GIGYF2: variants seen among roughly 807,000 people sequenced by gnomAD.
GIGYF2 encodes the protein GRB10-interacting GYF protein 2.
In GIGYF2, 25 loss-of-function variants were observed where a neutral mutation model predicts 208.1. That is an observed-to-expected ratio of 0.12 (90% CI 0.09 to 0.17). GIGYF2 has a LOEUF of 0.17. GIGYF2 is among the 10% of genes least tolerant of loss of function. The pLI, the probability that GIGYF2 is intolerant of heterozygous loss-of-function variation, is 1.00. For synonymous variants in GIGYF2, 534 were observed against 543.8 expected (o/e 0.98, Z 0.25); for missense variants, 1,302 against 1,579.4 (o/e 0.82, Z 2.98).
chr2:232,791,958 T>C (rs1311379864), intron 12 of GIGYF2, among the ~76,000 whole-genome samples: 2 of 152,236 alleles, frequency 1.3e-5, no homozygotes, highest in African/African-American at 4.8e-5. Flanking sequence ...TTAGGCAATA[T>C]TAATGCTCAT....
intron 9 of GIGYF2, 100 bp downstream of exon 9, chr2:232,787,429 TG>T (rs1699951125): frequency 2.0e-6 from 2 of 981,032 alleles, no homozygotes; most frequent in African/African-American, 3.2e-5. Context: ...TTAAAAAATG[TG>T]GGGGTGGATT....
intron 2 of GIGYF2, among the ~76,000 whole-genome samples, chr2:232,711,047 T>C (rs1696371261): frequency 1.3e-5 from 2 of 151,844 alleles, no homozygotes; most frequent in African/African-American, 4.8e-5. Flanking sequence ...CCCTTTGATA[T>C]GCTCTCTAGG....
intron 2 of GIGYF2, chr2:232,729,642 G>C: frequency 9.2e-7 from 1 of 1,087,076 alleles, no homozygotes; most frequent in Non-Finnish European, 1.4e-6. Flanking sequence ...CGTATTTGAA[G>C]TTTCTTAATT....
chr2:232,806,660 A>G lies in GIGYF2; in HGVS notation c.1806+3A>G, dbSNP rs1267162464. On this transcript the variant is annotated splice_donor_region_variant and intron_variant, in intron 15 of 28. Coordinates refer to ENST00000373563, the MANE Select transcript of GIGYF2 (RefSeq NM_001103146.3). This position sits in a 1 kb window ranked among gnomAD's most constrained non-coding sequence, Gnocchi z 4.0. ...GTCCAGCTCCCCCTCCTCATATGGTAAGTACCTTTCACCTCACCTGGAATA... is the reference window on the plus strand; with the variant it reads ...GTCCAGCTCCCCCTCCTCATATGGTGAGTACCTTTCACCTCACCTGGAATA... 1.2e-6 allele frequency: 2 copies of G among 1,603,404 alleles called. No homozygotes were observed. Among genetic ancestry groups the G allele is most frequent in the Non-Finnish European group, 1.7e-6 (2 of 1,170,346 alleles).
At position 232,844,352 on chromosome 2, in the gene GIGYF2, CTCTTTT is replaced by C. The variant is rs780304666; in HGVS notation, c.3100-11_3100-6del. 17 of 1,612,336 alleles carry C rather than the reference CTCTTTT, an allele frequency of 1.1e-5. No homozygotes were observed. The highest frequency in any genetic ancestry group is 1.4e-5 in the Non-Finnish European group (17 of 1,178,344). ...AACATGATTCACGATAATCATTTTTCTCTTTTTCTTTAACAGCATTCCAACCTGCAC... is the reference window on the plus strand; with the variant it reads ...AACATGATTCACGATAATCATTTTTCTCTTTAACAGCATTCCAACCTGCAC... On this transcript the variant is annotated splice_polypyrimidine_tract_variant and intron_variant, in intron 24 of 28. Transcript: ENST00000373563.
intron 2 of GIGYF2, chr2:232,734,613 G>T (rs1398444514): frequency 2.0e-5 from 3 of 153,056 alleles, no homozygotes; most frequent in African/African-American, 7.2e-5. Flanking sequence ...ACCAGCTTGA[G>T]CAACATAGTG....
intron 20 of GIGYF2, among the ~76,000 whole-genome samples, 191 bp from the exon 21 acceptor site, chr2:232,819,636 T>C (rs1701017148): frequency 6.6e-6 from 1 of 152,196 alleles, no homozygotes; most frequent in Non-Finnish European, 1.5e-5. Context: ...TCAATTTTCT[T>C]TTCATTGTAA....
intron 8 of GIGYF2, chr2:232,767,605 A>G (rs553528719): frequency 1.3e-5 from 2 of 157,766 alleles, no homozygotes; most frequent in African/African-American, 2.4e-5. Flanking sequence ...AGGTTTATGT[A>G]TAAATCTGTA....
chr2:232,818,894 G>T (rs1700992081), intron 20 of GIGYF2, among the ~76,000 whole-genome samples: 1 of 152,128 alleles, frequency 6.6e-6, no homozygotes, highest in Admixed American at 6.5e-5. Flanking sequence ...ATAAGTGTTC[G>T]AATGAAAGTC....
chr2:232,703,013 G>A (rs1695925355), intron 1 of GIGYF2, among the ~76,000 whole-genome samples: 1 of 152,044 alleles, frequency 6.6e-6, no homozygotes, highest in Non-Finnish European at 1.5e-5. Flanking sequence ...TCTTGAATTC[G>A]TGGGCTCAAT....
chr2:232,793,751 AAC>A (rs1700140292), intron 12 of GIGYF2, among the ~76,000 whole-genome samples: 1 of 152,220 alleles, frequency 6.6e-6, no homozygotes, highest in African/African-American at 2.4e-5. Context: ...GAAGAAGAGG[AAC>A]CAGAGAAAAA....
intron 2 of GIGYF2, among the ~76,000 whole-genome samples, chr2:232,732,311 C>G (rs535198216): frequency 1.7e-4 from 26 of 152,166 alleles, no homozygotes; most frequent in Non-Finnish European, 3.5e-4. Flanking sequence ...ACTCCATTGG[C>G]TTGTGTGTTT....
At chr2:232,782,498 T>C (rs1388226066) in intron 8 of GIGYF2, among the ~76,000 whole-genome samples, 2 of 152,192 alleles carry the variant, frequency 1.3e-5, no homozygotes, top group Non-Finnish European at 2.9e-5. Flanking sequence ...TGTCCAAGAA[T>C]ATTCGTAGAA....
In GIGYF2 at chr2:232,857,488, C is replaced by T. The variant is rs567227933; in HGVS notation, c.*628C>T. 1 of 155,802 alleles carries T rather than the reference C, an allele frequency of 6.4e-6. No homozygotes were observed. Among genetic ancestry groups the T allele is most frequent in the East Asian group, 1.9e-4 (1 of 5,274 alleles). The allele number at this position is 155,802 out of a possible 1,614,324, so 9.7% of individuals were successfully genotyped here. A position where few individuals can be genotyped will look rare whatever the true frequency, so the allele number is the denominator to read the frequency against. Reference sequence around the variant, plus strand: ...TGGTTTGATGTTACACACTCCTCACCTGTTCTTTCTGAGTGTCCTTTCTCT... The same window carrying T: ...TGGTTTGATGTTACACACTCCTCACTTGTTCTTTCTGAGTGTCCTTTCTCT... On this transcript the variant is annotated 3_prime_UTR_variant, in exon 29 of 29. Coordinates refer to ENST00000373563, the MANE Select transcript of GIGYF2 (RefSeq NM_001103146.3).
intron 21 of GIGYF2, among the ~76,000 whole-genome samples, chr2:232,822,550 G>T (rs951961811): frequency 1.3e-5 from 2 of 152,134 alleles, no homozygotes; most frequent in African/African-American, 4.8e-5. Flanking sequence ...GCGTGGTGGC[G>T]TGCGCCTGTA....
intron 3 of GIGYF2, among the ~76,000 whole-genome samples, chr2:232,740,223 G>A (rs914629526): frequency 1.3e-5 from 2 of 152,170 alleles, no homozygotes; most frequent in African/African-American, 2.4e-5. Flanking sequence ...CTGAGAGTCT[G>A]AGGCTGGAGG....
At chr2:232,754,911 C>T (rs535246692) in intron 5 of GIGYF2, among the ~76,000 whole-genome samples, 1 of 151,578 alleles carries the variant, frequency 6.6e-6, no homozygotes, top group South Asian at 2.1e-4. Context: ...CTTATTTACA[C>T]TGATAAAGTT....
At chr2:232,822,298 G>A (rs1701109648) in intron 21 of GIGYF2, among the ~76,000 whole-genome samples, 1 of 152,100 alleles carries the variant, frequency 6.6e-6, no homozygotes, top group Admixed American at 6.5e-5. Context: ...TTTTTTCTCA[G>A]TACCATTTTG....
chr2:232,810,900 C>T, intron 16 of GIGYF2: 1 of 251,878 alleles, frequency 4.0e-6, no homozygotes. Context: ...TTTCATTTTT[C>T]ATTTGATTTC....
Sources: allele counts gnomAD v4.1 joint callset (sites outside exome capture counted in the v4.1 genomes callset), GRCh38; gene constraint gnomAD v4.1.1; non-coding constraint Gnocchi (gnomAD v3.1); transcripts MANE v1.5; gene names NCBI Gene and HGNC (gene_info 2026-07-23, HGNC 2026-07-21).